Variants in GABRA3 observed in about 807,000 individuals in gnomAD.
The protein encoded by GABRA3 is gamma-aminobutyric acid receptor subunit alpha-3.
Under a neutral mutation model 30.1 loss-of-function variants are expected in GABRA3, and 10 were observed. That is an observed-to-expected ratio of 0.33 (90% confidence interval 0.20 to 0.56). The LOEUF (loss-of-function observed/expected upper bound fraction) is 0.56, where lower values mean the gene tolerates loss of function less well. Among genes scored for constraint, GABRA3 ranks in the 20% least tolerant of loss-of-function variants. The probability of loss-of-function intolerance (pLI) is 0.89; values close to 1 mark genes in which losing one functional copy is unlikely to be tolerated. For synonymous variants in GABRA3, 151 were observed against 146.8 expected, an observed-to-expected ratio of 1.03 and a Z score of -0.21; for missense variants, 233 against 392.0, an observed-to-expected ratio of 0.59 and a Z score of 3.42.
At chrX:152,236,251 T>A (rs1464789130) in intron 5 of GABRA3, among the ~76,000 whole-genome samples, 1 of 104,407 alleles carries the variant, frequency 9.6e-6, no homozygotes, top group African/African-American at 3.6e-5. Flanking sequence ...GGTGTTTGGT[T>A]TTTTGTTCTT....
chrX:152,338,377 ATTAT>A (rs1171019082), intron 3 of GABRA3, among the ~76,000 whole-genome samples: 1 of 111,379 alleles, frequency 9.0e-6, no homozygotes, highest in Non-Finnish European at 1.9e-5. Flanking sequence ...TTTAAATTGG[ATTAT>A]TTATTTTTTG....
At chrX:152,325,954 G>A (rs1940049316) in intron 3 of GABRA3, among the ~76,000 whole-genome samples, 1 of 110,956 alleles carries the variant, frequency 9.0e-6, no homozygotes, top group Non-Finnish European at 1.9e-5. Flanking sequence ...TAAAAACCTT[G>A]AAAAAAGATT....
At chrX:152,176,470 G>A (rs1298176712) in intron 9 of GABRA3, among the ~76,000 whole-genome samples, 2 of 111,211 alleles carry the variant, frequency 1.8e-5, no homozygotes, top group Non-Finnish European at 3.8e-5. Context: ...TATTGTGCAC[G>A]TAGAGGAGTT....
At chrX:152,277,265 T>G (rs1294700497) in intron 4 of GABRA3, among the ~76,000 whole-genome samples, 10 of 76,177 alleles carry the variant, frequency 1.3e-4, no homozygotes, top group Non-Finnish European at 1.2e-4. Flanking sequence ...TAATTAACAG[T>G]TTTTTTTTTC....
rs189700139 is a variant in GABRA3 at position 152,441,201 on chromosome X, G to T, written c.-27+9945C>A. ...ATATACATGTGTCAGAACTTAAACT[G>T]TACACTTACAAAGGGTAAGTTTTAT... On this transcript the variant is annotated intron_variant, in intron 1 of 9. Coordinates refer to ENST00000370314, the MANE Select transcript of GABRA3 (RefSeq NM_000808.4). Among the ~76,000 whole-genome samples, 265 of 110,677 alleles carry T rather than the reference G, an allele frequency of 2.4e-3. 1 individual carries two copies. Among genetic ancestry groups the T allele is most frequent in the Non-Finnish European group, 2.0e-3 (108 of 52,882 alleles).
intron 5 of GABRA3, among the ~76,000 whole-genome samples, chrX:152,237,067 G>A (rs1237279321): frequency 9.1e-6 from 1 of 109,815 alleles, no homozygotes; most frequent in African/African-American, 3.3e-5. Flanking sequence ...TGAAGTCCTT[G>A]CCCATGCCTA....
chrX:152,367,490 G>A (rs1040444326), intron 1 of GABRA3, among the ~76,000 whole-genome samples: 2 of 111,679 alleles, frequency 1.8e-5, no homozygotes, highest in Non-Finnish European at 3.8e-5. Context: ...AAGGTACAAG[G>A]AACAAACAAA....
chrX:152,241,785 C>G (rs1454471843), intron 5 of GABRA3, among the ~76,000 whole-genome samples: 1 of 110,995 alleles, frequency 9.0e-6, no homozygotes, highest in Non-Finnish European at 1.9e-5. Flanking sequence ...CGTCCGTCAC[C>G]CCTTTCTTGG....
At chrX:152,237,566 A>T (rs1241779076) in intron 5 of GABRA3, among the ~76,000 whole-genome samples, 2 of 104,706 alleles carry the variant, frequency 1.9e-5, no homozygotes, top group African/African-American at 3.5e-5. Flanking sequence ...GATGGCATTG[A>T]ATCTGTAAAT....
chrX:152,411,849 T>C (rs1181734711), intron 1 of GABRA3, among the ~76,000 whole-genome samples: 1 of 111,720 alleles, frequency 9.0e-6, no homozygotes, highest in Non-Finnish European at 1.9e-5. Context: ...ACCCTCAATA[T>C]ATAAAGAACT....
intron 5 of GABRA3, among the ~76,000 whole-genome samples, chrX:152,247,448 G>A (rs1022387535): frequency 9.0e-6 from 1 of 111,332 alleles, no homozygotes; most frequent in Admixed American, 9.6e-5. Flanking sequence ...TAGAGGAAAT[G>A]ATGGGATGTA....
intron 6 of GABRA3, among the ~76,000 whole-genome samples, chrX:152,213,341 G>A (rs1937657300): frequency 9.0e-6 from 1 of 111,665 alleles, no homozygotes; most frequent in African/African-American, 3.3e-5. Flanking sequence ...TCACCTCATT[G>A]AGCTTACAGT....
chrX:152,304,909 T>C (rs1357554472), intron 3 of GABRA3, among the ~76,000 whole-genome samples: 2 of 111,808 alleles, frequency 1.8e-5, no homozygotes, highest in African/African-American at 6.5e-5. Flanking sequence ...AGTATGGCCA[T>C]TTCAGTAATA....
At chrX:152,419,282 A>T (rs1369228454) in intron 1 of GABRA3, among the ~76,000 whole-genome samples, 3 of 111,563 alleles carry the variant, frequency 2.7e-5, no homozygotes, top group African/African-American at 9.8e-5. Context: ...CCTAAAACTT[A>T]AAGTATAATA....
intron 9 of GABRA3, among the ~76,000 whole-genome samples, chrX:152,173,243 G>C (rs1937027108): frequency 9.2e-6 from 1 of 109,182 alleles, no homozygotes; most frequent in African/African-American, 3.3e-5. Flanking sequence ...AAGGCGGTGG[G>C]GGGGTGGGGG....
rs555047119 is a variant in GABRA3, at chrX:152,423,193, A to G, written c.-27+27953T>C. Among the ~76,000 whole-genome samples, 5 of 112,208 alleles carry G rather than the reference A, an allele frequency of 4.5e-5. No homozygotes were observed. In the South Asian group the frequency reaches 1.8e-3, roughly 41 times the overall value. On this transcript the variant is annotated intron_variant, in intron 1 of 9. Coordinates refer to ENST00000370314, the MANE Select transcript of GABRA3 (RefSeq NM_000808.4). ...GTGTATGCACCAAAACACTGGTGATAGGTGTTGCCTCCTCACAGGGGAACT... is the reference window on the plus strand; with the variant it reads ...GTGTATGCACCAAAACACTGGTGATGGGTGTTGCCTCCTCACAGGGGAACT...
At chrX:152,367,214 A>G (rs1652406024) in intron 1 of GABRA3, among the ~76,000 whole-genome samples, 1 of 111,281 alleles carries the variant, frequency 9.0e-6, no homozygotes, top group Admixed American at 9.6e-5. Flanking sequence ...GTATGCTTAT[A>G]TAAGTACAGT....
At chrX:152,261,842 T>C in intron 4 of GABRA3, among the ~76,000 whole-genome samples, 1 of 112,541 alleles carries the variant, frequency 8.9e-6, no homozygotes. Context: ...GTGGGAATTC[T>C]GTGTGTGGCC....
At chrX:152,297,157 T>C (rs1323708763) in intron 3 of GABRA3, among the ~76,000 whole-genome samples, 1 of 112,126 alleles carries the variant, frequency 8.9e-6, no homozygotes, top group Non-Finnish European at 1.9e-5. Context: ...TACTAGAATC[T>C]AGACTCTGAC....
Sources: gnomAD v4.1 joint callset for allele counts (sites outside exome capture counted in the v4.1 genomes callset) on GRCh38, gnomAD v4.1.1 for gene constraint, MANE v1.5 for transcripts, NCBI Gene and HGNC (gene_info 2026-07-23, HGNC 2026-07-21) for gene names.